The following PSPH variants were observed in gnomAD, a reference collection of about 807,000 sequenced individuals.
The protein encoded by PSPH is L-3-phosphoserine phosphatase.
PSPH carries 16 observed loss-of-function variants against 23.4 expected under a neutral mutation model. The ratio of observed to expected loss-of-function variants is 0.68; its 90% CI spans 0.46 to 1.04. The LOEUF is 1.04. PSPH is among the 50% of genes least tolerant of loss of function. The pLI is 0.00. For missense variants in PSPH, 223 were observed against 273.7 expected (o/e 0.81, Z 1.31); for synonymous variants, 68 against 99.7 (o/e 0.68, Z 1.89).
chr7:56,034,080 C>T lies in PSPH; in HGVS notation c.-265G>A, dbSNP rs1234133745. ...GAGGTGAGCTGTGCAGACCCAGGGC[C>T]TCCACCGAACGCTCTCTTGAGATCT... On this transcript the variant is annotated 5_prime_UTR_variant, in exon 2 of 8. Transcript: ENST00000275605. The T allele has an allele frequency of 6.6e-6, 1 of 152,346 alleles. No homozygotes were observed. Among genetic ancestry groups the T allele is most frequent in the Non-Finnish European group, 1.5e-5 (1 of 68,152 alleles). The allele number at this position is 152,346 out of a possible 1,614,324, so 9.4% of individuals were successfully genotyped here. A position where few individuals can be genotyped will look rare whatever the true frequency, so the allele number is the denominator to read the frequency against.
intron 1 of PSPH, among the ~76,000 whole-genome samples, chr7:56,050,535 G>C (rs1017601278): frequency 1.3e-5 from 2 of 152,086 alleles, no homozygotes; most frequent in Admixed American, 1.3e-4. Flanking sequence ...CAAAGTGCTG[G>C]GATTACAGGC....
At chr7:56,031,767 T>C (rs751439131) in intron 3 of PSPH, among the ~76,000 whole-genome samples, 162 bp downstream of exon 3, 1 of 152,108 alleles carries the variant, frequency 6.6e-6, no homozygotes, top group South Asian at 2.1e-4. Flanking sequence ...TAAGCCAAGA[T>C]TGCGCCACTG....
Position 56,011,190 on chromosome 7 carries a change from T to C in PSPH, c.*572A>G, listed in dbSNP as rs1787878088. On this transcript the variant is annotated 3_prime_UTR_variant, in exon 8 of 8. Transcript: ENST00000275605. The stretch of plus-strand genomic sequence containing the variant: ...CTCTCCACACTTAAAGCACTTTGTA[T>C]GAAATATAGCTACAAATATACATAA... 1 of 152,694 alleles carries C rather than the reference T, an allele frequency of 6.5e-6. No individual in the cohort carries two copies. The highest frequency in any genetic ancestry group is 6.5e-5 in the Admixed American group (1 of 15,282). 9.5% of individuals were successfully genotyped at this position (152,694 alleles called of 1,614,324 possible).
intron 3 of PSPH, among the ~76,000 whole-genome samples, chr7:56,025,611 C>T (rs769186749): frequency 3.5e-5 from 5 of 142,074 alleles, no homozygotes; most frequent in East Asian, 2.1e-4. Flanking sequence ...TTTTTTGAGA[C>T]GGAGTCTTGC....
Position 56,021,126 on chromosome 7 carries a change from T to C in PSPH, c.87A>G (p.Glu29=), listed in dbSNP as rs767475186. The change falls in exon 4 of 8, where the codon GAA becomes GAG. Residue 29 remains glutamate, a synonymous_variant. Transcript: ENST00000275605. ...FDVDSTVIRE[E]GIDELAKICG... The stretch of plus-strand genomic sequence containing the variant: ...AGATTTTGGCTAGCTCATCGATTCC[T>C]TCTTCTCTGATGACCGTGCTGTCAA... 6.2e-7 allele frequency: 1 copy of C among 1,614,256 alleles called. No individual in the cohort carries two copies. Among genetic ancestry groups the C allele is most frequent in the Non-Finnish European group, 8.5e-7 (1 of 1,180,040 alleles).
At chr7:56,012,518 CT>C (rs1788028788) in intron 7 of PSPH, among the ~76,000 whole-genome samples, 1 of 151,850 alleles carries the variant, frequency 6.6e-6, no homozygotes, top group South Asian at 2.1e-4. Context: ...TGGGAGCTCC[CT>C]GAGAAATCTC....
chr7:56,027,153 C>T (rs1211565498), intron 3 of PSPH, among the ~76,000 whole-genome samples: 15 of 150,146 alleles, frequency 1.0e-4, no homozygotes, highest in South Asian at 4.2e-4. Context: ...TGCGGCGAGC[C>T]GAGATTGCGC....
chr7:56,040,252 T>C (rs1792334623), intron 1 of PSPH, among the ~76,000 whole-genome samples: 1 of 152,142 alleles, frequency 6.6e-6, no homozygotes, highest in Admixed American at 6.6e-5. Context: ...ATAAAGGAAG[T>C]TGAAGAACGT....
intron 1 of PSPH, among the ~76,000 whole-genome samples, chr7:56,041,031 A>G (rs1792459147): frequency 6.6e-6 from 1 of 152,026 alleles, no homozygotes; most frequent in South Asian, 2.1e-4. Flanking sequence ...GGGCGTGGGA[A>G]AACAATCAGC....
chr7:56,033,572 T>C (rs1256694504), intron 2 of PSPH: 1 of 151,500 alleles, frequency 6.6e-6, no homozygotes, highest in Non-Finnish European at 1.5e-5. Flanking sequence ...GAAAGCATGA[T>C]TTATTTAATT....
At chr7:56,031,578 C>T (rs113471955) in intron 3 of PSPH, among the ~76,000 whole-genome samples, 298 of 152,064 alleles carry the variant, frequency 2.0e-3, no homozygotes, top group Middle Eastern at 3.4e-3. Context: ...TTTGGGAGGC[C>T]GAGGTGGATG....
chr7:56,038,201 G>C (rs1337672227), intron 1 of PSPH, among the ~76,000 whole-genome samples: 1 of 151,206 alleles, frequency 6.6e-6, no homozygotes, highest in African/African-American at 2.4e-5. Flanking sequence ...CACTTTGGGA[G>C]GCCGAGGAGG....
intron 3 of PSPH, among the ~76,000 whole-genome samples, chr7:56,025,799 G>T (rs1456101901): frequency 6.6e-6 from 1 of 152,132 alleles, no homozygotes; most frequent in African/African-American, 2.4e-5. Flanking sequence ...TCACCATGTT[G>T]CCCAGGCTGG....
At chr7:56,024,546 C>T (rs1789920303) in intron 3 of PSPH, among the ~76,000 whole-genome samples, 1 of 151,966 alleles carries the variant, frequency 6.6e-6, no homozygotes, top group African/African-American at 2.4e-5. Flanking sequence ...AGGAGTTCAA[C>T]ACCTATCTGG....
At chr7:56,013,379 T>C (rs372122026) in intron 7 of PSPH, among the ~76,000 whole-genome samples, 1 of 151,366 alleles carries the variant, frequency 6.6e-6, no homozygotes, top group South Asian at 2.1e-4. Context: ...ATTAGATAGG[T>C]GTGGTGGCAT....
intron 3 of PSPH, among the ~76,000 whole-genome samples, chr7:56,028,642 T>C (rs940958060): frequency 1.5e-4 from 23 of 152,048 alleles, no homozygotes; most frequent in African/African-American, 5.3e-4. Context: ...ACTCTGCCCA[T>C]GAAACGGTCA....
At chr7:56,046,374 G>T (rs1427258597) in intron 1 of PSPH, among the ~76,000 whole-genome samples, 1 of 151,984 alleles carries the variant, frequency 6.6e-6, no homozygotes, top group Non-Finnish European at 1.5e-5. Context: ...CTGACCTCAG[G>T]TGATCTGCCC....
At chr7:56,041,028 G>A (rs547853401) in intron 1 of PSPH, among the ~76,000 whole-genome samples, 2 of 152,092 alleles carry the variant, frequency 1.3e-5, no homozygotes, top group Admixed American at 6.6e-5. Flanking sequence ...GGAGGGCGTG[G>A]GAAAACAATC....
intron 6 of PSPH, among the ~76,000 whole-genome samples, chr7:56,015,462 A>G (rs888634267): frequency 6.6e-6 from 1 of 152,070 alleles, no homozygotes; most frequent in Non-Finnish European, 1.5e-5. Flanking sequence ...TCAGCCTCCC[A>G]AAGTGCTGGG....
Sources: gnomAD v4.1 joint callset for allele counts (sites outside exome capture counted in the v4.1 genomes callset) on GRCh38, gnomAD v4.1.1 for gene constraint, MANE v1.5 for transcripts, NCBI Gene and HGNC (gene_info 2026-07-23, HGNC 2026-07-21) for gene names.